Variants in CPE observed in about 807,000 individuals in gnomAD.
CPE encodes carboxypeptidase E.
A neutral mutation model predicts 53.5 loss-of-function variants in CPE; 17 were observed. That is an observed-to-expected ratio of 0.32 (90% CI 0.22 to 0.48). CPE has a LOEUF of 0.48. CPE is among the 20% of genes least tolerant of loss of function. The pLI, the probability that CPE is intolerant of heterozygous loss-of-function variation, is 0.99. For missense variants in CPE, 524 were observed against 614.7 expected (o/e 0.85, Z 1.56); for synonymous variants, 226 against 228.8 (o/e 0.99, Z 0.11).
chr4:165,488,082 T>C (rs28496971), intron 6 of CPE, among the ~76,000 whole-genome samples: 8,388 of 152,122 alleles, frequency 0.055, 293 homozygotes, highest in East Asian at 0.16. Flanking sequence ...TAATAATGAG[T>C]TATGTTTGTC....
intron 1 of CPE, among the ~76,000 whole-genome samples, chr4:165,425,912 G>C (rs1731309540): frequency 6.6e-6 from 1 of 152,140 alleles, no homozygotes; most frequent in Non-Finnish European, 1.5e-5. Flanking sequence ...GAATGATCTG[G>C]TCCCAAATAT....
rs1010200785 is a variant in CPE, at chr4:165,392,333, T to C, written c.307+12805T>C. ...TATCATGTATTGTAAATATATGATA[T>C]ATGTATATGTAATATGTAATATACA... On this transcript the variant is annotated intron_variant, in intron 1 of 8. Transcript: ENST00000402744. Among the ~76,000 whole-genome samples, 3 of 146,518 alleles carry C rather than the reference T, an allele frequency of 2.0e-5. No individual in the cohort carries two copies. In the East Asian group the frequency reaches 5.8e-4, roughly 29 times the overall value.
chr4:165,391,427 A>G (rs945297128), intron 1 of CPE, among the ~76,000 whole-genome samples: 10 of 152,148 alleles, frequency 6.6e-5, no homozygotes, highest in Non-Finnish European at 1.5e-4. Flanking sequence ...TTCATTTTCC[A>G]TAATATTCTC....
At chr4:165,384,288 A>T (rs1284183590) in intron 1 of CPE, among the ~76,000 whole-genome samples, 1 of 152,218 alleles carries the variant, frequency 6.6e-6, no homozygotes, top group African/African-American at 2.4e-5. Context: ...AGGCTAATGT[A>T]TGTTTCAAAT....
rs571134427 is a variant in CPE, at chr4:165,459,682, G to GGC, written c.308-4706_308-4705dup. Reference sequence around the variant, plus strand: ...ACTTTGGGAGGGCTGGGTGGGGGGGGGCGGGGCAGATCATGAGGTCAGGAG... The same window carrying GGC: ...ACTTTGGGAGGGCTGGGTGGGGGGGGGCGCGGGGCAGATCATGAGGTCAGGAG... On this transcript the variant is annotated intron_variant, in intron 1 of 8. Transcript: ENST00000402744. Among the ~76,000 whole-genome samples the GGC allele has an allele frequency of 1.9e-4, 24 of 127,930 alleles. 1 individual carries two copies. The highest frequency in any genetic ancestry group is 7.3e-4 in the African/African-American group (22 of 30,068). 83.9% of individuals were successfully genotyped at this position (127,930 alleles called of 152,430 possible).
At chr4:165,412,349 G>T (rs113770990) in intron 1 of CPE, among the ~76,000 whole-genome samples, 1 of 152,058 alleles carries the variant, frequency 6.6e-6, no homozygotes, top group Non-Finnish European at 1.5e-5. Context: ...TTACAATTAC[G>T]TAATCCTTTA....
At chr4:165,387,706 G>A (rs532947240) in intron 1 of CPE, among the ~76,000 whole-genome samples, 1 of 152,184 alleles carries the variant, frequency 6.6e-6, no homozygotes, top group Non-Finnish European at 1.5e-5. Context: ...CTACTCAGGA[G>A]GCTGAGGCAG....
chr4:165,429,608 G>A (rs576948663), intron 1 of CPE, among the ~76,000 whole-genome samples: 1 of 152,098 alleles, frequency 6.6e-6, no homozygotes, highest in African/African-American at 2.4e-5. Context: ...AGGCTGAAGT[G>A]GGAGAATTGC....
Position 165,379,368 on chromosome 4 carries a change from C to T in CPE, c.147C>T (p.Ile49=). Residue 49 remains isoleucine, a synonymous_variant, in exon 1 of 9, where the codon ATC becomes ATT. Coordinates refer to ENST00000402744, the MANE Select transcript of CPE (RefSeq NM_001873.4). This position sits in a 1 kb window ranked among gnomAD's most constrained non-coding sequence, Gnocchi z 6.0. ...GGCGGCTGCAGCAAGAGGACGGCATCTCCTTCGAGTACCACCGCTACCCCG... is the reference window on the plus strand; with the variant it reads ...GGCGGCTGCAGCAAGAGGACGGCATTTCCTTCGAGTACCACCGCTACCCCG... ...RRRRLQQEDG[I]SFEYHRYPEL... 1 of 1,603,638 alleles carries T rather than the reference C, an allele frequency of 6.2e-7. No homozygotes were observed. Among genetic ancestry groups the T allele is most frequent in the Non-Finnish European group, 8.5e-7 (1 of 1,176,924 alleles).
intron 3 of CPE, among the ~76,000 whole-genome samples, chr4:165,477,868 C>T (rs536386571): frequency 2.0e-5 from 3 of 152,262 alleles, no homozygotes; most frequent in East Asian, 1.9e-4. Context: ...CACATCCACT[C>T]GCTCGAGATC....
chr4:165,407,098 T>C (rs1446504983), intron 1 of CPE, among the ~76,000 whole-genome samples: 1 of 152,226 alleles, frequency 6.6e-6, no homozygotes. Flanking sequence ...TTCTTTTAGG[T>C]ATGAACCTAG....
chr4:165,398,018 C>A, intron 1 of CPE, among the ~76,000 whole-genome samples: 1 of 135,240 alleles, frequency 7.4e-6, no homozygotes, highest in African/African-American at 2.9e-5. Flanking sequence ...CATCACTGTA[C>A]ACAGCTTGAG....
chr4:165,492,127 A>G (rs528657967), intron 6 of CPE, among the ~76,000 whole-genome samples: 8 of 152,330 alleles, frequency 5.3e-5, no homozygotes, highest in African/African-American at 1.9e-4. Flanking sequence ...AGTGTATTAA[A>G]TAATAGCCAG....
chr4:165,406,648 G>A (rs970615052), intron 1 of CPE, among the ~76,000 whole-genome samples: 1 of 152,080 alleles, frequency 6.6e-6, no homozygotes, highest in Non-Finnish European at 1.5e-5. Flanking sequence ...AAATTCAATG[G>A]TTTATAGTAG....
At chr4:165,466,300 C>T (rs1163985180) in intron 2 of CPE, among the ~76,000 whole-genome samples, 1 of 152,060 alleles carries the variant, frequency 6.6e-6, no homozygotes, top group Non-Finnish European at 1.5e-5. Context: ...GAAAATACAG[C>T]ATAAAAGATA....
At chr4:165,453,504 G>T (rs6839600) in intron 1 of CPE, among the ~76,000 whole-genome samples, 49,413 of 151,226 alleles carry the variant, frequency 0.33, 8,483 homozygotes, top group Middle Eastern at 0.43. Flanking sequence ...CCCACCTCAG[G>T]CTCCTGAGTA....
rs1210079497 is a variant in CPE at position 165,492,483 on chromosome 4, GT to G, written c.1114-686del. Among the ~76,000 whole-genome samples the G allele has an allele frequency of 5.9e-5, 9 of 152,174 alleles. No individual in the cohort carries two copies. The South Asian group carries it at 1.7e-3, about 28-fold the overall frequency. On this transcript the variant is annotated intron_variant, in intron 6 of 8. Coordinates refer to ENST00000402744, the MANE Select transcript of CPE (RefSeq NM_001873.4). ...GCAGACAAAACCCCTCAGACACCGA[GT>G]TAAAGAAGGAAGGGCTTTATTATTC...
chr4:165,455,586 G>A (rs1324897751), intron 1 of CPE, among the ~76,000 whole-genome samples: 1 of 151,872 alleles, frequency 6.6e-6, no homozygotes. Context: ...AACAATCTCT[G>A]CCTTATCTGA....
At chr4:165,388,040 A>G (rs1488585790) in intron 1 of CPE, among the ~76,000 whole-genome samples, 3 of 152,230 alleles carry the variant, frequency 2.0e-5, no homozygotes, top group Non-Finnish European at 4.4e-5. Context: ...AGTGATGCTG[A>G]CTGATTGGAC....
Sources: allele counts gnomAD v4.1 joint callset (sites outside exome capture counted in the v4.1 genomes callset), GRCh38; gene constraint gnomAD v4.1.1; non-coding constraint Gnocchi (gnomAD v3.1); transcripts MANE v1.5; gene names NCBI Gene and HGNC (gene_info 2026-07-23, HGNC 2026-07-21).